The following PCDHA13 variants were observed in gnomAD, a reference collection of about 807,000 sequenced individuals.
The protein encoded by PCDHA13 is protocadherin alpha 13.
PCDHA13 carries 54 observed loss-of-function variants against 64.8 expected under a neutral mutation model. That is an observed-to-expected ratio of 0.83 (90% CI 0.67 to 1.04). PCDHA13 has a LOEUF of 1.04. Ranked by LOEUF, PCDHA13 falls within the 50% of genes least tolerant of loss-of-function variation. The pLI is 0.00. For synonymous variants in PCDHA13, 587 were observed against 564.4 expected (o/e 1.04, Z -0.57); for missense variants, 1,248 against 1,254.3 (o/e 0.99, Z 0.08).
At chr5:140,953,551 T>C (rs565115779) in intron 1 of PCDHA13, among the ~76,000 whole-genome samples, 1 of 152,240 alleles carries the variant, frequency 6.6e-6, no homozygotes, top group East Asian at 1.9e-4. Flanking sequence ...GATTCTTTTC[T>C]CCAAGTTTTA....
At position 140,884,225 on chromosome 5, in the gene PCDHA13, G is replaced by T. The variant is rs782322312; in HGVS notation, c.1957G>T (p.Asp653Tyr). 1.6e-5 allele frequency: 26 copies of T among 1,613,448 alleles called. No homozygotes were observed. The South Asian group carries it at 2.4e-4, about 15-fold the overall frequency. ...CCACCGCCTTCTGGTGCTGGTGAAG[G>T]ACCACGGTGAGCCCGCGCTGACGGC... is the stretch of plus-strand genomic sequence containing the variant. Reference protein sequence around the residue: ...PHHRLLVLVKDHGEPALTATA... With the variant: ...PHHRLLVLVKYHGEPALTATA... The change falls in exon 1 of 4, where the codon GAC becomes TAC. Residue 653 changes from aspartate (D) to tyrosine (Y), a missense_variant. Transcript: ENST00000289272.
At chr5:140,921,961 C>T (rs528457864) in intron 1 of PCDHA13, among the ~76,000 whole-genome samples, 88 of 151,252 alleles carry the variant, frequency 5.8e-4, no homozygotes, top group Non-Finnish European at 9.1e-4. Context: ...TCCCAGAAAA[C>T]CAAAGGAAAA....
intron 1 of PCDHA13, chr5:140,928,747 C>T (rs781895762): frequency 2.5e-6 from 4 of 1,614,132 alleles, no homozygotes; most frequent in African/African-American, 2.7e-5. Context: ...AGGTGAGCTC[C>T]GTACTGCTCG....
chr5:140,913,082 C>G (rs2076197049), intron 1 of PCDHA13, among the ~76,000 whole-genome samples: 1 of 152,108 alleles, frequency 6.6e-6, no homozygotes, highest in African/African-American at 2.4e-5. Context: ...TGTTTGGTAT[C>G]AGGATAATAC....
chr5:140,993,526 A>G (rs1554253825), intron 3 of PCDHA13, among the ~76,000 whole-genome samples: 1 of 147,824 alleles, frequency 6.8e-6, no homozygotes, highest in Admixed American at 6.7e-5. Flanking sequence ...AGAGAGACAG[A>G]GAGAGAGAGA....
At chr5:140,961,083 T>C (rs1470868954) in intron 1 of PCDHA13, among the ~76,000 whole-genome samples, 1 of 152,198 alleles carries the variant, frequency 6.6e-6, no homozygotes, top group Non-Finnish European at 1.5e-5. Context: ...ATCAAGTAAT[T>C]GTTGACTTTT....
intron 1 of PCDHA13, among the ~76,000 whole-genome samples, chr5:140,960,097 T>C (rs2095526762): frequency 6.6e-6 from 1 of 152,232 alleles, no homozygotes. Context: ...AAGAAACTTG[T>C]AGTTGTGGGA....
chr5:140,941,573 C>T (rs1220556647), intron 1 of PCDHA13, among the ~76,000 whole-genome samples: 1 of 152,108 alleles, frequency 6.6e-6, no homozygotes, highest in African/African-American at 2.4e-5. Flanking sequence ...CCTCAGCCTC[C>T]CAAAGTGCTG....
Position 141,010,339 on chromosome 5 carries a change from A to G in PCDHA13, c.*402A>G. 2 of 1,534,058 alleles carry G rather than the reference A, an allele frequency of 1.3e-6. No homozygotes were observed. Among genetic ancestry groups the G allele is most frequent in the East Asian group, 4.9e-5 (2 of 40,762 alleles). On this transcript the variant is annotated 3_prime_UTR_variant, in exon 4 of 4. Transcript: ENST00000289272. ...TTGAGCAGCTTGGGAGTTTGTGGCC[A>G]CTGGGTATGTGTGGCTACCGCGGGT...
At chr5:140,903,917 T>C (rs2070714744) in intron 1 of PCDHA13, among the ~76,000 whole-genome samples, 1 of 152,258 alleles carries the variant, frequency 6.6e-6, no homozygotes, top group Non-Finnish European at 1.5e-5. Flanking sequence ...GTGACTTCCT[T>C]GCTGCATTGG....
chr5:140,926,325 T>C (rs1441503834), intron 1 of PCDHA13: 1 of 151,866 alleles, frequency 6.6e-6, no homozygotes, highest in African/African-American at 2.4e-5. Flanking sequence ...TGCGCCGGGG[T>C]CAGAGCGCCG....
intron 1 of PCDHA13, among the ~76,000 whole-genome samples, chr5:140,946,310 A>G (rs562859671): frequency 2.6e-5 from 4 of 152,074 alleles, no homozygotes; most frequent in African/African-American, 4.8e-5. Context: ...TAGAATGGCT[A>G]TTATTGAAAG....
intron 1 of PCDHA13, among the ~76,000 whole-genome samples, chr5:140,935,985 C>T (rs155825): frequency 0.32 from 47,782 of 150,880 alleles, 7,901 homozygotes; most frequent in East Asian, 0.53. Context: ...CTCTGCCTCC[C>T]GGGTTCAAGC....
At chr5:140,924,944 T>TA (rs11334471) in intron 1 of PCDHA13, among the ~76,000 whole-genome samples, 37 of 142,946 alleles carry the variant, frequency 2.6e-4, no homozygotes, top group Non-Finnish European at 4.2e-4. Context: ...AATAAAAAGT[T>TA]AAAAAAAAAA....
rs563652109 is a variant in PCDHA13 at position 140,884,316 on chromosome 5, C to G, written c.2048C>G (p.Ser683Trp). 26 of 1,613,752 alleles carry G rather than the reference C, an allele frequency of 1.6e-5. 2 individuals carry two copies. The South Asian group carries it at 2.5e-4, about 16-fold the overall frequency. Residue 683 changes from serine (S) to tryptophan (W), a missense_variant, in exon 1 of 4, where the codon TCG becomes TGG. Transcript: ENST00000289272. Reference protein sequence around the residue: ...GQAPQASSRASAGAVGPEAAL... With the variant: ...GQAPQASSRAWAGAVGPEAAL... ...GCGCCACAGGCTTCGTCGAGGGCGT[C>G]GGCAGGCGCTGTGGGTCCAGAAGCG...
chr5:140,939,956 A>G (rs2092504641), intron 1 of PCDHA13, among the ~76,000 whole-genome samples: 1 of 152,234 alleles, frequency 6.6e-6, no homozygotes, highest in Non-Finnish European at 1.5e-5. Context: ...AAATTATGTT[A>G]AAGTGTTCCA....
chr5:140,981,888 G>A (rs1554243508), intron 2 of PCDHA13, among the ~76,000 whole-genome samples: 1 of 152,140 alleles, frequency 6.6e-6, no homozygotes, highest in Non-Finnish European at 1.5e-5. Flanking sequence ...AATCTCTTCT[G>A]AGCGGGGATC....
chr5:140,966,052 C>G (rs2095962967), intron 1 of PCDHA13, among the ~76,000 whole-genome samples: 1 of 152,158 alleles, frequency 6.6e-6, no homozygotes, highest in Admixed American at 6.5e-5. Context: ...GCCAGTAACC[C>G]CAGAGCGCCT....
intron 1 of PCDHA13, chr5:140,929,146 CAG>C (rs782305171): frequency 6.2e-7 from 1 of 1,614,180 alleles, no homozygotes; most frequent in Non-Finnish European, 8.5e-7. Flanking sequence ...GAGACTTTCT[CAG>C]ACTTATCTCT....
Sources: allele counts gnomAD v4.1 joint callset (sites outside exome capture counted in the v4.1 genomes callset), GRCh38; gene constraint gnomAD v4.1.1; transcripts MANE v1.5; gene names NCBI Gene and HGNC (gene_info 2026-07-23, HGNC 2026-07-21).